The following SWAP70 variants were observed in gnomAD, a reference collection of about 807,000 sequenced individuals.
The protein encoded by SWAP70 is switch-associated protein 70.
In SWAP70, 34 loss-of-function variants were observed where a neutral mutation model predicts 80.2. The ratio of observed to expected loss-of-function variants is 0.42; its 90% CI spans 0.32 to 0.56. The LOEUF is 0.56. Among genes scored for constraint, SWAP70 ranks in the 20% least tolerant of loss-of-function variants. SWAP70 has a pLI of 0.09. For missense variants in SWAP70, 578 were observed against 690.7 expected (o/e 0.84, Z 1.83); for synonymous variants, 239 against 238.5 (o/e 1.00, Z -0.02).
intron 9 of SWAP70, among the ~76,000 whole-genome samples, chr11:9,745,768 T>C (rs747234539): frequency 2.0e-5 from 3 of 152,250 alleles, no homozygotes; most frequent in Non-Finnish European, 4.4e-5. Context: ...AGGAAGCCGA[T>C]ACACAGAAAA....
chr11:9,671,576 A>T (rs1209724825), intron 1 of SWAP70, among the ~76,000 whole-genome samples: 1 of 57,524 alleles, frequency 1.7e-5, no homozygotes, highest in Non-Finnish European at 3.5e-5. Context: ...ATTTATATAG[A>T]AATATATTTC....
intron 2 of SWAP70, among the ~76,000 whole-genome samples, chr11:9,698,094 T>C (rs1464142389): frequency 1.6e-5 from 1 of 62,512 alleles, no homozygotes; most frequent in Non-Finnish European, 4.4e-5. Context: ...CCAATACATG[T>C]TTTTTGTTTT....
At chr11:9,675,412 A>C (rs1157139082) in intron 1 of SWAP70, among the ~76,000 whole-genome samples, 12 of 125,028 alleles carry the variant, frequency 9.6e-5, no homozygotes, top group Admixed American at 4.9e-4. Flanking sequence ...AGAGAGAGAG[A>C]GAGAGAGAGG....
At chr11:9,712,009 T>A (rs1343022414) in intron 2 of SWAP70, among the ~76,000 whole-genome samples, 1 of 152,158 alleles carries the variant, frequency 6.6e-6, no homozygotes, top group Non-Finnish European at 1.5e-5. Context: ...TGGAATACCC[T>A]TTATCCCATT....
chr11:9,710,854 AATT>A (rs1291320775), intron 2 of SWAP70, among the ~76,000 whole-genome samples: 1 of 151,206 alleles, frequency 6.6e-6, no homozygotes, highest in Non-Finnish European at 1.5e-5. Context: ...TAATTTTTAA[AATT>A]ATTATTTGTA....
At chr11:9,743,446 C>T (rs1248817650) in intron 9 of SWAP70, among the ~76,000 whole-genome samples, 2 of 151,768 alleles carry the variant, frequency 1.3e-5, no homozygotes, top group Non-Finnish European at 1.5e-5. Context: ...AATGGTATTT[C>T]TAATTCTAGA....
intron 9 of SWAP70, 55 bp from the exon 10 acceptor site, chr11:9,747,803 G>C: frequency 1.3e-6 from 2 of 1,550,854 alleles, no homozygotes; most frequent in Non-Finnish European, 1.8e-6. Flanking sequence ...TCGTCTGCTG[G>C]GTCAGGGTGG....
intron 8 of SWAP70, among the ~76,000 whole-genome samples, chr11:9,738,877 A>G (rs1480261431): frequency 6.6e-6 from 1 of 152,122 alleles, no homozygotes; most frequent in Non-Finnish European, 1.5e-5. Context: ...AGAAAAAAAA[A>G]GAAATTTGTG....
chr11:9,727,842 G>A (rs532720511), intron 4 of SWAP70, among the ~76,000 whole-genome samples: 3 of 152,202 alleles, frequency 2.0e-5, no homozygotes, highest in Non-Finnish European at 4.4e-5. Flanking sequence ...TCTCTGAAGT[G>A]TCTGAAATTA....
chr11:9,720,105 A>G (rs1392477569), intron 3 of SWAP70: 3 of 985,402 alleles, frequency 3.0e-6, no homozygotes, highest in Non-Finnish European at 3.6e-6. Context: ...ACGGCAACAC[A>G]TGATTTATTA....
chr11:9,703,394 A>G, intron 2 of SWAP70: 1 of 456,254 alleles, frequency 2.2e-6, no homozygotes, highest in South Asian at 1.5e-5. Context: ...TCTGTTCCCC[A>G]GATTACCAAG....
At chr11:9,668,552 T>C (rs1037483157) in intron 1 of SWAP70, among the ~76,000 whole-genome samples, 3 of 152,210 alleles carry the variant, frequency 2.0e-5, no homozygotes, top group African/African-American at 7.2e-5. Context: ...AGTAGAGTTT[T>C]TGCCTTAATT....
At chr11:9,719,056 T>C (rs1851101628) in intron 3 of SWAP70, among the ~76,000 whole-genome samples, 1 of 144,378 alleles carries the variant, frequency 6.9e-6, no homozygotes, top group African/African-American at 2.7e-5. Context: ...ATCATGCCAC[T>C]GCACTCCAGC....
chr11:9,693,133 G>A (rs1230312475), intron 1 of SWAP70, among the ~76,000 whole-genome samples: 4 of 152,158 alleles, frequency 2.6e-5, no homozygotes, highest in Non-Finnish European at 4.4e-5. Flanking sequence ...GGCTCCTTAA[G>A]GTTAAATGTT....
rs369812744 is a variant in SWAP70, at chr11:9,724,843, T to C, written c.600T>C (p.Ile200=). ...ACCGGCAGACTGTGTCTATGGCAAT[T>C]AATGAAGTCTTTAATGAACTTATAT... is the stretch of plus-strand genomic sequence containing the variant. ...GMDRQTVSMA[I]NEVFNELILD... The change falls in exon 4 of 12, where the codon ATT becomes ATC. Residue 200 remains isoleucine (I), a synonymous_variant. Coordinates refer to ENST00000318950, the MANE Select transcript of SWAP70 (RefSeq NM_015055.4). The C allele has an allele frequency of 1.1e-5, 18 of 1,613,634 alleles. No individual in the cohort carries two copies. In the African/African-American group the frequency reaches 2.4e-4, roughly 22 times the overall value.
chr11:9,744,120 G>A lies in SWAP70; in HGVS notation c.1356-3738G>A, dbSNP rs4910061. ...TGGGACTACAGGCGCCTGCCACCACGCCCAGCTAATTTTTTGTATTTTTAG... is the reference window on the plus strand; with the variant it reads ...TGGGACTACAGGCGCCTGCCACCACACCCAGCTAATTTTTTGTATTTTTAG... On this transcript the variant is annotated intron_variant, in intron 9 of 11. Transcript: ENST00000318950. Among the ~76,000 whole-genome samples the A allele has an allele frequency of 9.5e-3, 1,438 of 152,010 alleles. 12 individuals carry two copies. Among genetic ancestry groups the A allele is most frequent in the Non-Finnish European group, 0.013 (911 of 67,968 alleles).
At chr11:9,738,554 G>C (rs893388728) in intron 8 of SWAP70, among the ~76,000 whole-genome samples, 1 of 152,112 alleles carries the variant, frequency 6.6e-6, no homozygotes, top group Non-Finnish European at 1.5e-5. Flanking sequence ...CATAAACCTT[G>C]TTTTCAAGAC....
At chr11:9,748,458 A>G (rs1188193251) in intron 10 of SWAP70, among the ~76,000 whole-genome samples, 3 of 152,146 alleles carry the variant, frequency 2.0e-5, no homozygotes, top group Admixed American at 6.5e-5. Flanking sequence ...TGTGATCCAT[A>G]CCTCCATGGA....
chr11:9,752,262 C>G lies in SWAP70; in HGVS notation c.*2292C>G, dbSNP rs1228364725. On this transcript the variant is annotated 3_prime_UTR_variant, in exon 12 of 12. Coordinates refer to ENST00000318950, the MANE Select transcript of SWAP70 (RefSeq NM_015055.4). ...AACCTGGCTTATTCCACAGCTGTAG[C>G]TGATAACATGACCTGGGGCTTAGCT... 6.6e-6 allele frequency: 1 copy of G among 152,220 alleles called. No homozygotes were observed. Among genetic ancestry groups the G allele is most frequent in the African/African-American group, 2.4e-5 (1 of 41,452 alleles). 9.4% of individuals were successfully genotyped at this position (152,220 alleles called of 1,614,324 possible).
Sources: gnomAD v4.1 joint callset for allele counts (sites outside exome capture counted in the v4.1 genomes callset) on GRCh38, gnomAD v4.1.1 for gene constraint, MANE v1.5 for transcripts, NCBI Gene and HGNC (gene_info 2026-07-23, HGNC 2026-07-21) for gene names.